Variants in MTFR1 observed in about 807,000 individuals in gnomAD.
The protein encoded by MTFR1 is mitochondrial fission regulator 1.
Under a neutral mutation model 38.8 loss-of-function variants are expected in MTFR1, and 28 were observed. The ratio of observed to expected loss-of-function variants is 0.72; its 90% CI spans 0.53 to 0.99. The LOEUF (loss-of-function observed/expected upper bound fraction) is 0.99. MTFR1 is among the 50% of genes least tolerant of loss of function. The pLI is 0.00. For missense variants in MTFR1, 358 were observed against 395.5 expected (o/e 0.91, Z 0.81); for synonymous variants, 145 against 137.0 (o/e 1.06, Z -0.41).
At chr8:65,759,968 G>A (rs551472821) in intron 3 of MTFR1, among the ~76,000 whole-genome samples, 4 of 152,152 alleles carry the variant, frequency 2.6e-5, no homozygotes, top group South Asian at 2.1e-4. Flanking sequence ...AGCTGAGCAC[G>A]GTGGCTCACA....
rs565992537 is a variant in MTFR1, at chr8:65,769,773, G to A, written c.*49-1174G>A. 2.6e-4 allele frequency among the ~76,000 whole-genome samples: 39 copies of A among 152,212 alleles called. 1 individual carries two copies. The highest frequency in any genetic ancestry group is 7.7e-4 in the African/African-American group (32 of 41,528). On this transcript the variant is annotated intron_variant, in intron 3 of 3. Coordinates refer to the MTFR1 transcript ENST00000521247. ...TAGCCGGGCATGGTAGTGATTGCCC[G>A]TAATCCTTGCTACTCAGGAGGTTGA...
chr8:65,743,434 G>A (rs1807529500), intron 3 of MTFR1, among the ~76,000 whole-genome samples: 1 of 152,284 alleles, frequency 6.6e-6, no homozygotes, highest in South Asian at 2.1e-4. Context: ...GAGAGATAGC[G>A]AAGGGGAGGA....
chr8:65,772,126 C>T (rs977941253), downstream of MTFR1, among the ~76,000 whole-genome samples: 8 of 152,050 alleles, frequency 5.3e-5, no homozygotes. Flanking sequence ...AAAGAGACAA[C>T]AATTTTACAA....
chr8:65,662,924 G>A (rs148382686), intron 1 of MTFR1, among the ~76,000 whole-genome samples: 21,811 of 147,724 alleles, frequency 0.15, 1,677 homozygotes, highest in Middle Eastern at 0.21. Flanking sequence ...TCAGCCCCCC[G>A]CCTGGCCAGC....
At chr8:65,692,892 CTTT>C (rs569732080) in intron 3 of MTFR1, among the ~76,000 whole-genome samples, 26 of 133,090 alleles carry the variant, frequency 2.0e-4, no homozygotes, top group Non-Finnish European at 2.3e-4. Context: ...TTTGCTTGTT[CTTT>C]TTTTTTTTTT....
chr8:65,660,312 CA>C (rs368007051), intron 1 of MTFR1, among the ~76,000 whole-genome samples: 213 of 129,428 alleles, frequency 1.6e-3, no homozygotes, highest in African/African-American at 2.7e-3. Flanking sequence ...AAAAAAAAGA[CA>C]AAAAAAAAAC....
chr8:65,770,755 T>C (rs762300049), intron 3 of MTFR1, among the ~76,000 whole-genome samples: 20 of 152,232 alleles, frequency 1.3e-4, no homozygotes, highest in Non-Finnish European at 2.8e-4. Context: ...TTAAAGGTGA[T>C]ACATATTACC....
At chr8:65,757,308 TG>T (rs879860326) in intron 3 of MTFR1, among the ~76,000 whole-genome samples, 4 of 152,222 alleles carry the variant, frequency 2.6e-5, no homozygotes, top group Non-Finnish European at 4.4e-5. Context: ...ACAAGGGCTA[TG>T]GAAGTTACAA....
At position 65,693,649 on chromosome 8, in the gene MTFR1, C is replaced by T; in HGVS notation, c.171C>T (p.Asn57=). ...IQCPRVQFQI[N]SHATEWSPSH... Reference sequence around the variant, plus strand: ...TCCCTATTTATAACTTACAGATTAACAGCCATGCAACAGAATGGAGTCCCA... The same window carrying T: ...TCCCTATTTATAACTTACAGATTAATAGCCATGCAACAGAATGGAGTCCCA... The change falls in exon 4 of 8, where the codon AAC becomes AAT. Residue 57 remains asparagine, a synonymous_variant. Coordinates refer to ENST00000262146, the MANE Select transcript of MTFR1 (RefSeq NM_014637.4). 1.2e-6 allele frequency: 2 copies of T among 1,613,384 alleles called. No homozygotes were observed. Among genetic ancestry groups the T allele is most frequent in the Non-Finnish European group, 1.7e-6 (2 of 1,179,394 alleles).
chr8:65,722,212 C>CT (rs1806411523), intron 3 of MTFR1: 1 of 152,244 alleles, frequency 6.6e-6, no homozygotes, highest in South Asian at 2.1e-4. Context: ...ATCTGCTACT[C>CT]TCAGCATTCC....
intron 1 of MTFR1, among the ~76,000 whole-genome samples, chr8:65,666,311 C>T (rs1804381179): frequency 6.6e-6 from 1 of 152,184 alleles, no homozygotes; most frequent in Non-Finnish European, 1.5e-5. Context: ...GAGGCTGAGG[C>T]ACGAGAATCA....
chr8:65,747,619 AAATT>A, intron 3 of MTFR1: 1 of 1,451,574 alleles, frequency 6.9e-7, no homozygotes, highest in Non-Finnish European at 9.5e-7. Context: ...ACTTATCAAA[AAATT>A]AATGTTTTCT....
intron 3 of MTFR1, among the ~76,000 whole-genome samples, chr8:65,688,677 C>G (rs1171415869): frequency 2.0e-5 from 3 of 150,814 alleles, no homozygotes; most frequent in Non-Finnish European, 4.4e-5. Flanking sequence ...ATCTCCTGAC[C>G]TCGTGATCCG....
chr8:65,722,623 C>G (rs1357943753), intron 3 of MTFR1: 1 of 152,244 alleles, frequency 6.6e-6, no homozygotes, highest in Non-Finnish European at 1.5e-5. Flanking sequence ...ACCCAAAGCC[C>G]AACACACTCA....
intron 3 of MTFR1, chr8:65,725,537 A>AATAC (rs1305297756): frequency 6.5e-6 from 1 of 154,050 alleles, no homozygotes; most frequent in Non-Finnish European, 1.5e-5. Flanking sequence ...ATAAACAGCA[A>AATAC]ATACATACAT....
chr8:65,680,537 T>C (rs2129053223), intron 2 of MTFR1, among the ~76,000 whole-genome samples: 1 of 152,324 alleles, frequency 6.6e-6, no homozygotes, highest in South Asian at 2.1e-4. Context: ...AATCAGATAG[T>C]TTCTGTGCTC....
At chr8:65,662,065 C>T (rs1809439536) in intron 1 of MTFR1, among the ~76,000 whole-genome samples, 1 of 85,282 alleles carries the variant, frequency 1.2e-5, no homozygotes, top group Non-Finnish European at 2.7e-5. Context: ...CTCTCTCTCT[C>T]CCTCTCTTTC....
chr8:65,740,496 G>A (rs1197026213), intron 3 of MTFR1, among the ~76,000 whole-genome samples: 1 of 152,074 alleles, frequency 6.6e-6, no homozygotes, highest in Non-Finnish European at 1.5e-5. Flanking sequence ...CACCTCCTGA[G>A]TTCAAGCGAT....
chr8:65,707,402 C>G lies in MTFR1; in HGVS notation c.764+146C>G, dbSNP rs1050953920. 22 of 778,986 alleles carry G rather than the reference C, an allele frequency of 2.8e-5. No homozygotes were observed. In the East Asian group the frequency reaches 5.7e-4, roughly 20 times the overall value. 48.3% of individuals were successfully genotyped at this position (778,986 alleles called of 1,614,324 possible). ...AAGATGAGCCCCAGTGGCTTCTATA[C>G]ACAGTAGCTAAGAGATTAGCAAAAT... On this transcript the variant is annotated intron_variant, in intron 6 of 7. Coordinates refer to ENST00000262146, the MANE Select transcript of MTFR1 (RefSeq NM_014637.4).
Sources: allele counts gnomAD v4.1 joint callset (sites outside exome capture counted in the v4.1 genomes callset), GRCh38; gene constraint gnomAD v4.1.1; transcripts MANE v1.5; gene names NCBI Gene and HGNC (gene_info 2026-07-23, HGNC 2026-07-21).